TKFC: variants seen among roughly 807,000 people sequenced by gnomAD.
TKFC encodes the protein triokinase and FMN cyclase.
In TKFC, 46 loss-of-function variants were observed where a neutral mutation model predicts 61.0. The observed-to-expected ratio is 0.75, with a 90% confidence interval of 0.60 to 0.96. The LOEUF (loss-of-function observed/expected upper bound fraction) is 0.96, where lower values mean the gene tolerates loss of function less well. Ranked by LOEUF, TKFC falls within the 50% of genes least tolerant of loss-of-function variation. The pLI is 0.00. For missense variants in TKFC, 715 were observed against 777.5 expected, an observed-to-expected ratio of 0.92 and a Z score of 0.96; for synonymous variants, 314 against 330.1, an observed-to-expected ratio of 0.95 and a Z score of 0.53.
Position 61,339,403 on chromosome 11 carries a change from C to CG in TKFC, c.459dup (p.Leu154AlafsTer16). ...CACTGTCCTGAAGAAGGCAGGCCGG[C>CG]GGGGGCTGTGCGGCACGGTGCTTAT... On this transcript the variant is annotated frameshift_variant, in exon 5 of 18. Coordinates refer to ENST00000394900, the MANE Select transcript of TKFC (RefSeq NM_015533.4). 1 of 1,612,836 alleles carries CG rather than the reference C, an allele frequency of 6.2e-7. No individual in the cohort carries two copies. The highest frequency in any genetic ancestry group is 8.5e-7 in the Non-Finnish European group (1 of 1,179,762).
rs528576803 is a variant in TKFC, at chr11:61,347,710, G to A, written c.*1207G>A. Reference sequence around the variant, plus strand: ...GGAGTGGTTAAAGGCACTGGCTGTCGACTCATACACATGATCTGAAATCTG... The same window carrying A: ...GGAGTGGTTAAAGGCACTGGCTGTCAACTCATACACATGATCTGAAATCTG... On this transcript the variant is annotated 3_prime_UTR_variant, in exon 18 of 18. Coordinates refer to ENST00000394900, the MANE Select transcript of TKFC (RefSeq NM_015533.4). 1.6e-4 allele frequency: 160 copies of A among 985,230 alleles called. 1 individual carries two copies. The African/African-American group carries it at 2.4e-3, about 15-fold the overall frequency. 61.0% of individuals were successfully genotyped at this position (985,230 alleles called of 1,614,324 possible). A position where few individuals can be genotyped will look rare whatever the true frequency, so the allele number is the denominator to read the frequency against.
chr11:61,343,334 T>C lies in TKFC; in HGVS notation c.866-8T>C, dbSNP rs753268539. ...TCCCTTTTGGACTGCCACACTCTGG[T>C]ATTGCAGAGGGCCGCGGGGTGAAGA... On this transcript the variant is annotated splice_region_variant and splice_polypyrimidine_tract_variant and intron_variant, in intron 10 of 17. Coordinates refer to ENST00000394900, the MANE Select transcript of TKFC (RefSeq NM_015533.4). 4 of 1,613,150 alleles carry C rather than the reference T, an allele frequency of 2.5e-6. No homozygotes were observed. Among genetic ancestry groups the C allele is most frequent in the Non-Finnish European group, 3.4e-6 (4 of 1,179,194 alleles).
intron 5 of TKFC, among the ~76,000 whole-genome samples, chr11:61,340,685 G>A (rs181880847): frequency 5.9e-5 from 9 of 151,748 alleles, no homozygotes; most frequent in African/African-American, 1.9e-4. Context: ...CTTCACGCCA[G>A]CTCCTGTACC....
At chr11:61,351,086 C>G (rs1431086641), downstream of TKFC, 2 of 1,613,912 alleles carry the variant, frequency 1.2e-6, no homozygotes, top group Admixed American at 1.7e-5. Context: ...ACCAGCATCC[C>G]GGTGCTGTTG....
At position 61,339,191 on chromosome 11, in the gene TKFC, C is replaced by A. The variant is rs747904236; in HGVS notation, c.304+15C>A. 11 of 1,612,688 alleles carry A rather than the reference C, an allele frequency of 6.8e-6. No individual in the cohort carries two copies. The highest frequency in any genetic ancestry group is 8.5e-6 in the Non-Finnish European group (10 of 1,179,362). On this transcript the variant is annotated intron_variant, in intron 4 of 17. Coordinates refer to ENST00000394900, the MANE Select transcript of TKFC (RefSeq NM_015533.4). ...GGCCGGCACAGGTAAGCCTGGCATG[C>A]AGGAGGGGCTGCGGCAGGGAGGGCA... is the stretch of plus-strand genomic sequence containing the variant.
rs572510764 is a variant in TKFC at position 61,346,115 on chromosome 11, T to C, written c.1575+169T>C. On this transcript the variant is annotated intron_variant, in intron 17 of 17. Coordinates refer to ENST00000394900, the MANE Select transcript of TKFC (RefSeq NM_015533.4). This position sits in a 1 kb window ranked among gnomAD's most constrained non-coding sequence, Gnocchi z 4.1. Reference sequence around the variant, plus strand: ...AGGTGGTTATGTGGCTAAGGAAATATGTAGAGCCCCGCACACTGCCTGGGA... The same window carrying C: ...AGGTGGTTATGTGGCTAAGGAAATACGTAGAGCCCCGCACACTGCCTGGGA... 1.5e-4 allele frequency: 177 copies of C among 1,150,916 alleles called. No individual in the cohort carries two copies. Among genetic ancestry groups the C allele is most frequent in the Non-Finnish European group, 2.1e-4 (172 of 832,508 alleles). The allele number at this position is 1,150,916 out of a possible 1,614,324, so 71.3% of individuals were successfully genotyped here. A position where few individuals can be genotyped will look rare whatever the true frequency, so the allele number is the denominator to read the frequency against.
downstream of TKFC, chr11:61,353,006 T>A: frequency 6.2e-7 from 1 of 1,614,122 alleles, no homozygotes; most frequent in Non-Finnish European, 8.5e-7. Flanking sequence ...AAGCTTCTCA[T>A]TAATGCCCGA....
chr11:61,341,889 C>A lies in TKFC; in HGVS notation c.632C>A (p.Ala211Asp). 1 of 1,613,576 alleles carries A rather than the reference C, an allele frequency of 6.2e-7. No individual in the cohort carries two copies. The highest frequency in any genetic ancestry group is 2.2e-5 in the East Asian group (1 of 44,874). ...TCCAAACCCACCTTCGAGCTCTCAG[C>A]CGACGAGGTGGAGCTGGGCCTGGGT... ...PGSKPTFELS[A>D]DEVELGLGIH... The change falls in exon 7 of 18, where the codon GCC (alanine) becomes GAC (aspartate). Residue 211 changes from alanine (A) to aspartate (D), a missense_variant. Transcript: ENST00000394900.
At chr11:61,343,715 G>A (rs1421104906) in intron 11 of TKFC, 141 bp from the exon 12 acceptor site, 20 of 1,279,856 alleles carry the variant, frequency 1.6e-5, no homozygotes, top group Non-Finnish European at 2.2e-5. Context: ...TAGGCACTCA[G>A]TCCATGCTTG....
chr11:61,334,115 C>T (rs1322692435), intron 1 of TKFC: 1 of 152,576 alleles, frequency 6.6e-6, no homozygotes, highest in Admixed American at 6.5e-5. Context: ...AGTAAAAACA[C>T]ACTCTGTAGA....
intron 6 of TKFC, 34 bp from the exon 7 acceptor site, chr11:61,341,789 G>A (rs1258502389): frequency 6.3e-7 from 1 of 1,590,520 alleles, no homozygotes; most frequent in South Asian, 1.1e-5. Context: ...GCTAAGAGTG[G>A]AACAGTCATC....
In TKFC at chr11:61,347,929, G is replaced by C. The variant is rs374422859; in HGVS notation, c.*1426G>C. The C allele has an allele frequency of 2.0e-6, 2 of 985,318 alleles. No individual in the cohort carries two copies. Among genetic ancestry groups the C allele is most frequent in the Non-Finnish European group, 2.4e-6 (2 of 829,870 alleles). The allele number at this position is 985,318 out of a possible 1,614,324, so 61.0% of individuals were successfully genotyped here. ...GGTTATCACAGGGGTTGGGCCCCCA[G>C]CCCCTCCCAGGTCATCTGCTCTACC... On this transcript the variant is annotated 3_prime_UTR_variant, in exon 18 of 18. Transcript: ENST00000394900.
rs373623918 is a variant in TKFC at position 61,339,303 on chromosome 11, C to T, written c.354C>T (p.Phe118=). The change falls in exon 5 of 18, where the codon TTC becomes TTT. Residue 118 remains phenylalanine, a synonymous_variant. Transcript: ENST00000394900. ...ACTACACTGGGGATCGGCTCAACTT[C>T]GGCCTGGCCCGGGAGCAGGCCCGGG... The part of the protein sequence containing the change: ...VKNYTGDRLN[F]GLAREQARAE... 1.1e-5 allele frequency: 17 copies of T among 1,613,866 alleles called. No individual in the cohort carries two copies. In the East Asian group the frequency reaches 1.1e-4, roughly 11 times the overall value.
At chr11:61,349,845 G>A, downstream of TKFC, 1 of 578,626 alleles carries the variant, frequency 1.7e-6, no homozygotes, top group Non-Finnish European at 3.1e-6. Flanking sequence ...CTGCTCTGTG[G>A]CGGGGCAGCC....
At position 61,348,108 on chromosome 11, in the gene TKFC, C is replaced by G. The variant is rs893919974; in HGVS notation, c.*1605C>G. 2.0e-6 allele frequency: 2 copies of G among 985,356 alleles called. No individual in the cohort carries two copies. The highest frequency in any genetic ancestry group is 3.5e-5 in the African/African-American group (2 of 57,232). The allele number at this position is 985,356 out of a possible 1,614,324, so 61.0% of individuals were successfully genotyped here. ...TCCCTGACCACAAGGCATCCACGTG[C>G]ACAGGAGTATGCGCCCAGCAGCTGG... On this transcript the variant is annotated 3_prime_UTR_variant, in exon 18 of 18. Coordinates refer to ENST00000394900, the MANE Select transcript of TKFC (RefSeq NM_015533.4).
chr11:61,350,239 C>T (rs1363590413), downstream of TKFC: 11 of 903,626 alleles, frequency 1.2e-5, no homozygotes, highest in Admixed American at 5.4e-5. Flanking sequence ...AGGCAGCAAG[C>T]GGCCGGAGAG....
intron 7 of TKFC, chr11:61,342,199 G>A (rs758959005): frequency 1.3e-5 from 8 of 612,488 alleles, no homozygotes; most frequent in East Asian, 2.7e-5. Flanking sequence ...TTCTTTCAAC[G>A]GCTGTTCAAA....
rs1857007453 is a variant in TKFC, at chr11:61,344,226, C to T, written c.1193C>T (p.Ala398Val). Reference protein sequence around the residue: ...LEEHLNALDRAAGDGDCGTTH... With the variant: ...LEEHLNALDRVAGDGDCGTTH... ...GAACACCTGAATGCCCTGGACCGGG[C>T]TGCTGGTGACGGCGACTGTGGCACC... The change falls in exon 13 of 18, where the codon GCT becomes GTT. Residue 398 changes from alanine to valine, a missense_variant. Transcript: ENST00000394900. 16 of 1,612,878 alleles carry T rather than the reference C, an allele frequency of 9.9e-6. No homozygotes were observed. The highest frequency in any genetic ancestry group is 1.4e-5 in the Non-Finnish European group (16 of 1,180,034).
chr11:61,349,655 G>A (rs1433301134), downstream of TKFC: 2 of 702,722 alleles, frequency 2.8e-6, no homozygotes, highest in African/African-American at 1.7e-5. Context: ...TGGAAGAGGT[G>A]GAGCCGCACG....
Sources: gnomAD v4.1 joint callset for allele counts (sites outside exome capture counted in the v4.1 genomes callset) on GRCh38, gnomAD v4.1.1 for gene constraint, Gnocchi (gnomAD v3.1) non-coding constraint, MANE v1.5 for transcripts, NCBI Gene and HGNC (gene_info 2026-07-23, HGNC 2026-07-21) for gene names.